The following NAV2 variants were observed in gnomAD, a reference collection of about 807,000 sequenced individuals.
The protein encoded by NAV2 is neuron navigator 2, also known as helicase, APC down-regulated 1.
NAV2 carries 54 observed loss-of-function variants against 223.2 expected under a neutral mutation model. The ratio of observed to expected loss-of-function variants is 0.24; its 90% CI spans 0.19 to 0.30. The LOEUF (loss-of-function observed/expected upper bound fraction) is 0.30, where lower values mean the gene tolerates loss of function less well. Among genes scored for constraint, NAV2 ranks in the 10% least tolerant of loss-of-function variants. The pLI is 1.00. For synonymous variants in NAV2, 1,279 were observed against 1,239.3 expected, an observed-to-expected ratio of 1.03 and a Z score of -0.67; for missense variants, 2,806 against 3,147.5, an observed-to-expected ratio of 0.89 and a Z score of 2.60.
At chr11:19,429,178 T>C (rs1488926307) in intron 1 of NAV2, among the ~76,000 whole-genome samples, 2 of 152,112 alleles carry the variant, frequency 1.3e-5, no homozygotes, top group African/African-American at 4.8e-5. Flanking sequence ...AGTCCAGAGG[T>C]GGTGGTTTCC....
chr11:19,461,172 G>A (rs912731432), intron 1 of NAV2, among the ~76,000 whole-genome samples: 43 of 152,200 alleles, frequency 2.8e-4, no homozygotes, highest in African/African-American at 9.6e-4. Flanking sequence ...TAAATGCCAC[G>A]GGAAAGTTGA....
chr11:19,946,512 A>G lies in NAV2; in HGVS notation c.2255+3A>G, dbSNP rs2046950218. On this transcript the variant is annotated splice_donor_region_variant and intron_variant, in intron 9 of 37. Transcript: ENST00000349880. ...AGGGGAACTCAGGTTACACACAGGT[A>G]TCTGCAGTGTGAATTACTTTACTGA... The G allele has an allele frequency of 1.2e-6, 2 of 1,609,794 alleles. No individual in the cohort carries two copies. Among genetic ancestry groups the G allele is most frequent in the African/African-American group, 1.3e-5 (1 of 74,946 alleles).
At chr11:19,783,126 G>A (rs2056859810) in intron 1 of NAV2, among the ~76,000 whole-genome samples, 1 of 152,170 alleles carries the variant, frequency 6.6e-6, no homozygotes, top group Non-Finnish European at 1.5e-5. Context: ...GCTTAGGAAG[G>A]TGTGTATGTC....
In NAV2 at chr11:19,704,167, C is replaced by T. The variant is rs115720193; in HGVS notation, c.76-128317C>T. ...GCCCTGTCTCAGAGCACGAACATCA[C>T]GCAAAGACCACCCCCTGTAACTGGT... On this transcript the variant is annotated intron_variant, in intron 1 of 37. Transcript: ENST00000360655. Among the ~76,000 whole-genome samples, 541 of 152,238 alleles carry T rather than the reference C, an allele frequency of 3.6e-3. 2 individuals are homozygous for T. The highest frequency in any genetic ancestry group is 0.012 in the African/African-American group (518 of 41,522).
intron 11 of NAV2, among the ~76,000 whole-genome samples, chr11:20,034,522 G>T (rs1035142507): frequency 6.6e-6 from 1 of 152,092 alleles, no homozygotes; most frequent in African/African-American, 2.4e-5. Flanking sequence ...TGGGATTATA[G>T]GCATGTGCCA....
chr11:20,077,491 C>A, intron 22 of NAV2, 61 bp from the exon 23 acceptor site: 1 of 1,311,734 alleles, frequency 7.6e-7, no homozygotes, highest in Non-Finnish European at 1.1e-6. Context: ...AAGAGCCAGA[C>A]ACCTTCTAAG....
At chr11:19,634,884 G>A (rs1039392614) in intron 1 of NAV2, among the ~76,000 whole-genome samples, 1 of 152,310 alleles carries the variant, frequency 6.6e-6, no homozygotes, top group Non-Finnish European at 1.5e-5. Context: ...AGAAAATAAA[G>A]GGGAAAATGT....
At chr11:19,609,727 GA>G (rs1393055217) in intron 1 of NAV2, among the ~76,000 whole-genome samples, 8 of 152,164 alleles carry the variant, frequency 5.3e-5, no homozygotes, top group Non-Finnish European at 8.8e-5. Flanking sequence ...TAAATATCTA[GA>G]ATCAATTGAA....
At chr11:19,792,808 G>A (rs2057616448) in intron 1 of NAV2, among the ~76,000 whole-genome samples, 1 of 151,990 alleles carries the variant, frequency 6.6e-6, no homozygotes, top group African/African-American at 2.4e-5. Context: ...TCTGGGGGAG[G>A]TTTTAGGTGC....
At chr11:19,851,708 G>T (rs984261215) in intron 3 of NAV2, among the ~76,000 whole-genome samples, 1 of 152,128 alleles carries the variant, frequency 6.6e-6, no homozygotes, top group Non-Finnish European at 1.5e-5. Context: ...TATTCAAAAA[G>T]TACGCCCTCA....
At chr11:20,102,395 G>A (rs772378997) in intron 32 of NAV2, among the ~76,000 whole-genome samples, 18 of 152,120 alleles carry the variant, frequency 1.2e-4, no homozygotes, top group Non-Finnish European at 2.6e-4. Context: ...CACAGACTGG[G>A]GCAGGCACCC....
intron 22 of NAV2, among the ~76,000 whole-genome samples, chr11:20,073,287 A>C (rs767176116): frequency 1.6e-4 from 24 of 152,152 alleles, no homozygotes; most frequent in Non-Finnish European, 3.5e-4. Context: ...GATGAAGCCC[A>C]CTTGATCATG....
chr11:19,981,970 T>C (rs1394221555), intron 10 of NAV2, among the ~76,000 whole-genome samples: 4 of 152,178 alleles, frequency 2.6e-5, no homozygotes, highest in Non-Finnish European at 4.4e-5. Flanking sequence ...GGCTGTGTCT[T>C]TGGGCTTCAT....
At chr11:19,624,200 G>C (rs1026537461) in intron 1 of NAV2, among the ~76,000 whole-genome samples, 10 of 152,206 alleles carry the variant, frequency 6.6e-5, no homozygotes, top group Non-Finnish European at 1.3e-4. Context: ...CTCCCAGTTA[G>C]GCTACTCGGG....
chr11:19,987,142 A>G (rs1177508110), intron 11 of NAV2, among the ~76,000 whole-genome samples: 1 of 152,260 alleles, frequency 6.6e-6, no homozygotes, highest in Non-Finnish European at 1.5e-5. Context: ...AATGTGAAAT[A>G]TCAAGGAAGA....
chr11:20,023,724 G>GTGTGTGTT (rs1022087701), intron 11 of NAV2, among the ~76,000 whole-genome samples: 1 of 151,910 alleles, frequency 6.6e-6, no homozygotes, highest in East Asian at 1.9e-4. Context: ...GTGTGTGTGT[G>GTGTGTGTT]TGTGTGTGTG....
chr11:19,827,170 AG>A (rs2059680498), intron 1 of NAV2, among the ~76,000 whole-genome samples: 1 of 152,066 alleles, frequency 6.6e-6, no homozygotes, highest in South Asian at 2.1e-4. Flanking sequence ...AGTTTTCCTG[AG>A]GGTTATCGTA....
chr11:19,678,280 T>C (rs2048776521), intron 1 of NAV2, among the ~76,000 whole-genome samples: 1 of 152,156 alleles, frequency 6.6e-6, no homozygotes, highest in Admixed American at 6.5e-5. Flanking sequence ...GCACAATGGG[T>C]ACAATTAGTA....
At chr11:19,432,098 T>C (rs1851057050) in intron 1 of NAV2, among the ~76,000 whole-genome samples, 1 of 151,254 alleles carries the variant, frequency 6.6e-6, no homozygotes, top group Admixed American at 6.6e-5. Flanking sequence ...CTTGGGAAGC[T>C]GAGGCAAGAG....
Sources: allele counts gnomAD v4.1 joint callset (sites outside exome capture counted in the v4.1 genomes callset), GRCh38; gene constraint gnomAD v4.1.1; transcripts MANE v1.5; gene names NCBI Gene and HGNC (gene_info 2026-07-23, HGNC 2026-07-21).